SPATA7: variants seen among roughly 807,000 people sequenced by gnomAD.
The protein encoded by SPATA7 is spermatogenesis associated 7, also known as spermatogenesis-associated protein 7.
Under a neutral mutation model 51.8 loss-of-function variants are expected in SPATA7, and 43 were observed. The ratio of observed to expected loss-of-function variants is 0.83; its 90% CI spans 0.65 to 1.07. SPATA7 has a LOEUF of 1.07. Among genes scored for constraint, SPATA7 ranks in the 50% least tolerant of loss-of-function variants. The pLI is 0.00. For missense variants in SPATA7, 683 were observed against 701.3 expected (o/e 0.97, Z 0.30); for synonymous variants, 230 against 252.8 (o/e 0.91, Z 0.86).
downstream of SPATA7, among the ~76,000 whole-genome samples, chr14:88,457,205 C>T (rs529576363): frequency 4.6e-5 from 7 of 152,062 alleles, no homozygotes; most frequent in South Asian, 4.1e-4. Flanking sequence ...CTTGGCAATG[C>T]GGGCCCTTTT....
intron 1 of SPATA7, among the ~76,000 whole-genome samples, chr14:88,386,248 C>T (rs1323364625): frequency 6.6e-6 from 1 of 152,082 alleles, no homozygotes; most frequent in African/African-American, 2.4e-5. Flanking sequence ...GGTCAAATAC[C>T]CAGGCCATGG....
intron 3 of SPATA7, among the ~76,000 whole-genome samples, chr14:88,444,566 A>G (rs1241076345): frequency 6.6e-6 from 1 of 151,828 alleles, no homozygotes; most frequent in South Asian, 2.1e-4. Flanking sequence ...GCCCATGCCT[A>G]TGTCCTGAAT....
intron 4 of SPATA7, among the ~76,000 whole-genome samples, chr14:88,403,270 G>A (rs933871304): frequency 1.3e-5 from 2 of 152,078 alleles, no homozygotes; most frequent in African/African-American, 4.8e-5. Flanking sequence ...GAGGCTCCTC[G>A]AGAAATTGAA....
chr14:88,448,437 C>G (rs922542788), intron 3 of SPATA7, among the ~76,000 whole-genome samples: 1 of 152,166 alleles, frequency 6.6e-6, no homozygotes, highest in Admixed American at 6.5e-5. Flanking sequence ...TGAATGTCCT[C>G]CCGTAGCTCG....
chr14:88,443,436 G>T (rs1566793240), downstream of SPATA7, among the ~76,000 whole-genome samples: 1 of 151,894 alleles, frequency 6.6e-6, no homozygotes, highest in South Asian at 2.1e-4. Flanking sequence ...TTTTGTTTCT[G>T]TGGTATCGGT....
intron 1 of SPATA7, among the ~76,000 whole-genome samples, chr14:88,389,285 A>C (rs778725964): frequency 1.3e-5 from 2 of 150,620 alleles, no homozygotes; most frequent in Non-Finnish European, 3.0e-5. Flanking sequence ...ACTGGAGTGC[A>C]TTGCAGCCTC....
intron 4 of SPATA7, among the ~76,000 whole-genome samples, chr14:88,462,575 A>G (rs2077324528): frequency 6.6e-6 from 1 of 152,332 alleles, no homozygotes; most frequent in Admixed American, 6.5e-5. Flanking sequence ...TAGTCTTTGT[A>G]CACACTTTAA....
intron 3 of SPATA7, among the ~76,000 whole-genome samples, chr14:88,445,186 G>T (rs1012681992): frequency 6.6e-6 from 1 of 151,112 alleles, no homozygotes; most frequent in African/African-American, 2.4e-5. Context: ...AGTTCTCCTT[G>T]AAGAGGTCCT....
At chr14:88,444,167 A>C (rs2077196595) in intron 3 of SPATA7, among the ~76,000 whole-genome samples, 1 of 151,774 alleles carries the variant, frequency 6.6e-6, no homozygotes, top group Admixed American at 6.6e-5. Flanking sequence ...CTTTTTAATG[A>C]TCGCCATTCT....
chr14:88,410,305 A>G (rs910943574), intron 4 of SPATA7, among the ~76,000 whole-genome samples: 6 of 152,250 alleles, frequency 3.9e-5, no homozygotes, highest in Admixed American at 1.3e-4. Context: ...TAGGATAGTT[A>G]GCTCTTCTTG....
At chr14:88,402,389 A>G (rs997857937) in intron 4 of SPATA7, among the ~76,000 whole-genome samples, 1 of 151,904 alleles carries the variant, frequency 6.6e-6, no homozygotes, top group African/African-American at 2.4e-5. Context: ...CTAAATTTCA[A>G]AATATATTTC....
chr14:88,409,467 T>C (rs2076282520), intron 4 of SPATA7, among the ~76,000 whole-genome samples: 1 of 152,174 alleles, frequency 6.6e-6, no homozygotes, highest in African/African-American at 2.4e-5. Flanking sequence ...ATTGTGCCTT[T>C]TTGATTCTCT....
intron 10 of SPATA7, 64 bp downstream of exon 10, chr14:88,433,276 A>G (rs1399078919): frequency 2.6e-6 from 3 of 1,147,694 alleles, no homozygotes; most frequent in Non-Finnish European, 3.8e-6. Flanking sequence ...ATATTTCTTC[A>G]TATGATGTTA....
rs554535580 is a variant in SPATA7 at position 88,429,455 on chromosome 14, C to T, written c.1020C>T (p.Ser340=). 4.5e-5 allele frequency: 72 copies of T among 1,602,482 alleles called. No individual in the cohort carries two copies. The South Asian group carries it at 6.7e-4, about 15-fold the overall frequency. Residue 340 remains serine, a synonymous_variant, in exon 8 of 12, where the codon TCC becomes TCT. Coordinates refer to ENST00000393545, the MANE Select transcript of SPATA7 (RefSeq NM_018418.5). ...TTAAGGATGATGCTCTTCAGCATTC[C>T]TCACCAAGGTAAACAGTTCACAGGA... is the stretch of plus-strand genomic sequence containing the variant. ...DEIKDDALQH[S]SPRAMCQYSL...
In SPATA7 at chr14:88,469,004, G is replaced by A. The variant is rs141951135; in HGVS notation, c.255-843G>A. 60 of 1,614,028 alleles carry A rather than the reference G, an allele frequency of 3.7e-5. No homozygotes were observed. The highest frequency in any genetic ancestry group is 1.5e-4 in the Admixed American group (9 of 59,998). The stretch of plus-strand genomic sequence containing the variant: ...CCCAGCACTGCAGTGGACCAACAAC[G>A]GAGGGTTGGGGCTTTGGGGATCACT... On this transcript the variant is annotated intron_variant, in intron 4 of 4. Coordinates refer to the SPATA7 transcript ENST00000556406. This position sits in a 1 kb window ranked among gnomAD's most constrained non-coding sequence, Gnocchi z 4.3.
rs114189933 is a variant in SPATA7, at chr14:88,421,137, A to C, written c.372+4293A>C. On this transcript the variant is annotated intron_variant, in intron 5 of 11. Coordinates refer to ENST00000393545, the MANE Select transcript of SPATA7 (RefSeq NM_018418.5). ...CAAAAAAAAAAATAATTAATTAATA[A>C]CAGTTCTTTAATAATAAATATCTGA... Among the ~76,000 whole-genome samples, 320 of 152,148 alleles carry C rather than the reference A, an allele frequency of 2.1e-3. 4 individuals carry two copies. Among genetic ancestry groups the C allele is most frequent in the African/African-American group, 7.3e-3 (303 of 41,536 alleles).
intron 4 of SPATA7, among the ~76,000 whole-genome samples, chr14:88,397,656 A>G (rs2075925625): frequency 6.6e-6 from 1 of 151,414 alleles, no homozygotes; most frequent in African/African-American, 2.4e-5. Flanking sequence ...AAAAAAAAAA[A>G]AAGGAAAAAG....
At chr14:88,437,051 C>G (rs1416776571) in intron 10 of SPATA7, among the ~76,000 whole-genome samples, 1 of 149,656 alleles carries the variant, frequency 6.7e-6, no homozygotes, top group Non-Finnish European at 1.5e-5. Context: ...TTCTTCCAAT[C>G]CATGAATTTG....
At chr14:88,451,538 T>TTTC (rs1317487646) in intron 3 of SPATA7, among the ~76,000 whole-genome samples, 1 of 150,256 alleles carries the variant, frequency 6.7e-6, no homozygotes, top group Non-Finnish European at 1.5e-5. Context: ...TTTTTTTTTT[T>TTTC]TTCTTTGAAA....
Sources: allele counts gnomAD v4.1 joint callset (sites outside exome capture counted in the v4.1 genomes callset), GRCh38; gene constraint gnomAD v4.1.1; non-coding constraint Gnocchi (gnomAD v3.1); transcripts MANE v1.5; gene names NCBI Gene and HGNC (gene_info 2026-07-23, HGNC 2026-07-21).